Variants in CDKAL1 observed in about 807,000 individuals in gnomAD.
CDKAL1 encodes threonylcarbamoyladenosine tRNA methylthiotransferase.
A neutral mutation model predicts 68.2 loss-of-function variants in CDKAL1; 32 were observed. The ratio of observed to expected loss-of-function variants is 0.47; its 90% CI spans 0.35 to 0.63. CDKAL1 has a LOEUF of 0.63. Among genes scored for constraint, CDKAL1 ranks in the 30% least tolerant of loss-of-function variants. The pLI, the probability that CDKAL1 is intolerant of heterozygous loss-of-function variation, is 0.00. For synonymous variants in CDKAL1, 234 were observed against 244.3 expected (o/e 0.96, Z 0.39); for missense variants, 606 against 696.7 (o/e 0.87, Z 1.47).
intron 14 of CDKAL1, among the ~76,000 whole-genome samples, chr6:21,199,204 G>A (rs2151107094): frequency 6.6e-6 from 1 of 152,346 alleles, no homozygotes; most frequent in African/African-American, 2.4e-5. Flanking sequence ...CAGGCTGCCT[G>A]TGTCAGAAGG....
chr6:20,893,714 T>C (rs903450113), intron 9 of CDKAL1, among the ~76,000 whole-genome samples: 11 of 152,160 alleles, frequency 7.2e-5, no homozygotes, highest in Admixed American at 3.9e-4. Flanking sequence ...CATCCTCAAT[T>C]GCCTATTCTG....
chr6:21,037,103 G>GA (rs972830134), intron 11 of CDKAL1, among the ~76,000 whole-genome samples: 3 of 152,034 alleles, frequency 2.0e-5, no homozygotes, highest in African/African-American at 4.8e-5. Flanking sequence ...TTAATGGGGG[G>GA]AAAAATCTAA....
chr6:21,209,422 A>G (rs1779069145), intron 15 of CDKAL1, among the ~76,000 whole-genome samples: 1 of 152,228 alleles, frequency 6.6e-6, no homozygotes, highest in Admixed American at 6.5e-5. Flanking sequence ...CTGGCCTCTT[A>G]TAATATGTTT....
intron 4 of CDKAL1, chr6:20,558,402 A>G (rs1371775168): frequency 5.0e-6 from 2 of 399,970 alleles, no homozygotes; most frequent in Admixed American, 2.9e-5. Flanking sequence ...ATTTGGGGTG[A>G]TAAATTAATT....
In CDKAL1 at chr6:20,616,556, G is replaced by T. The variant is rs1766911525; in HGVS notation, c.287-32737G>T. The stretch of plus-strand genomic sequence containing the variant: ...CTCTTTGAAGCAATTGTGAATGGGA[G>T]TTCACTCATGATTTGGCTCTCTGTT... On this transcript the variant is annotated intron_variant, in intron 4 of 15. Transcript: ENST00000274695. Among the ~76,000 whole-genome samples, 5 of 144,772 alleles carry T rather than the reference G, an allele frequency of 3.5e-5. No individual in the cohort carries two copies. In the South Asian group the frequency reaches 1.2e-3, roughly 33 times the overall value. 95.0% of individuals were successfully genotyped at this position (144,772 alleles called of 152,430 possible). A position where few individuals can be genotyped will look rare whatever the true frequency, so the allele number is the denominator to read the frequency against.
At chr6:20,701,259 GT>G (rs11305935) in intron 5 of CDKAL1, among the ~76,000 whole-genome samples, 71,310 of 118,436 alleles carry the variant, frequency 0.6, 19,252 homozygotes, top group East Asian at 0.75. Context: ...ACATGAAGTT[GT>G]TTTTTTTTTT....
At chr6:20,780,072 G>C (rs1374232187) in intron 7 of CDKAL1, among the ~76,000 whole-genome samples, 1 of 133,738 alleles carries the variant, frequency 7.5e-6, no homozygotes, top group Admixed American at 8.3e-5. Context: ...AATATAGTGA[G>C]ACCCTGTCTC....
chr6:20,874,630 G>C (rs1760404738), intron 9 of CDKAL1, among the ~76,000 whole-genome samples: 1 of 151,878 alleles, frequency 6.6e-6, no homozygotes. Flanking sequence ...TTCTCTTGCG[G>C]AGCTGGGATT....
At chr6:20,548,530 A>G in intron 3 of CDKAL1, 63 bp from the exon 4 acceptor site, 1 of 793,404 alleles carries the variant, frequency 1.3e-6, no homozygotes, top group Non-Finnish European at 2.2e-6. Flanking sequence ...AAGACCCTGG[A>G]TCAAAAAAAA....
chr6:20,566,311 G>A (rs961906624), intron 4 of CDKAL1, among the ~76,000 whole-genome samples: 1 of 152,044 alleles, frequency 6.6e-6, no homozygotes, highest in African/African-American at 2.4e-5. Flanking sequence ...ACCCTTCTGT[G>A]TGGCCTAGAT....
In CDKAL1 at chr6:20,598,646, C is replaced by G. The variant is rs141269762; in HGVS notation, c.286+49941C>G. 5.2e-3 allele frequency among the ~76,000 whole-genome samples: 787 copies of G among 152,244 alleles called. 7 individuals carry two copies. The highest frequency in any genetic ancestry group is 0.018 in the African/African-American group (745 of 41,554). Reference sequence around the variant, plus strand: ...CATATGAAACGAGGATCAAATTAAACATTTCAAGTAGCTAATTTTATCAGC... The same window carrying G: ...CATATGAAACGAGGATCAAATTAAAGATTTCAAGTAGCTAATTTTATCAGC... On this transcript the variant is annotated intron_variant, in intron 4 of 15. Transcript: ENST00000274695.
At chr6:21,191,617 G>A (rs1459593035) in intron 13 of CDKAL1, among the ~76,000 whole-genome samples, 2 of 152,114 alleles carry the variant, frequency 1.3e-5, no homozygotes, top group African/African-American at 4.8e-5. Flanking sequence ...CACTGCCACT[G>A]CCACTGAGCA....
intron 4 of CDKAL1, among the ~76,000 whole-genome samples, chr6:20,560,960 T>G (rs78179077): frequency 0.034 from 5,184 of 152,348 alleles, 281 homozygotes; most frequent in African/African-American, 0.12. Context: ...ACTCCTTGCA[T>G]AAAATGTAGC....
rs75369140 is a variant in CDKAL1, at chr6:21,033,141, T to A, written c.1056-31907T>A. Reference sequence around the variant, plus strand: ...AGTTGTGAAAGAACAGCCTGGATAATTAGGATGAATTCAGATTTTTGAGGG... The same window carrying A: ...AGTTGTGAAAGAACAGCCTGGATAAATAGGATGAATTCAGATTTTTGAGGG... On this transcript the variant is annotated intron_variant, in intron 11 of 15. Coordinates refer to ENST00000274695, the MANE Select transcript of CDKAL1 (RefSeq NM_017774.3). Among the ~76,000 whole-genome samples the A allele has an allele frequency of 1.8e-4, 28 of 152,232 alleles. No individual in the cohort carries two copies. The East Asian group carries it at 5.4e-3, about 30-fold the overall frequency.
intron 4 of CDKAL1, among the ~76,000 whole-genome samples, chr6:20,575,267 G>C (rs993096744): frequency 6.6e-6 from 1 of 151,798 alleles, no homozygotes; most frequent in Non-Finnish European, 1.5e-5. Flanking sequence ...TAAGAAAAAA[G>C]CAGTTTGTGT....
chr6:20,918,295 C>T (rs1000061692), intron 9 of CDKAL1, among the ~76,000 whole-genome samples: 2 of 152,124 alleles, frequency 1.3e-5, no homozygotes, highest in African/African-American at 4.8e-5. Flanking sequence ...TCTTAATTAC[C>T]CAGTCTAAGG....
intron 13 of CDKAL1, among the ~76,000 whole-genome samples, chr6:21,183,197 C>T (rs1777862529): frequency 1.3e-5 from 2 of 150,606 alleles, no homozygotes; most frequent in African/African-American, 4.9e-5. Flanking sequence ...AAATGAATTG[C>T]AGATTTATCA....
chr6:21,108,984 A>G (rs1773988467), intron 13 of CDKAL1, among the ~76,000 whole-genome samples: 2 of 152,244 alleles, frequency 1.3e-5, no homozygotes, highest in Non-Finnish European at 2.9e-5. Context: ...CCCATCCCAC[A>G]GCTTCATAGA....
At chr6:20,745,117 C>T (rs1479536081) in intron 6 of CDKAL1, among the ~76,000 whole-genome samples, 1 of 152,230 alleles carries the variant, frequency 6.6e-6, no homozygotes, top group Non-Finnish European at 1.5e-5. Flanking sequence ...CAGGTGTCCA[C>T]TTATCTCAGG....
Sources: allele counts gnomAD v4.1 joint callset (sites outside exome capture counted in the v4.1 genomes callset), GRCh38; gene constraint gnomAD v4.1.1; transcripts MANE v1.5; gene names NCBI Gene and HGNC (gene_info 2026-07-23, HGNC 2026-07-21).